Variants in SPRED1 observed in about 807,000 individuals in gnomAD.
The protein encoded by SPRED1 is sprouty related EVH1 domain containing 1.
Under a neutral mutation model 52.3 loss-of-function variants are expected in SPRED1, and 18 were observed. The observed-to-expected ratio is 0.34, with a 90% CI of 0.24 to 0.51. The LOEUF is 0.51. SPRED1 is among the 20% of genes least tolerant of loss of function. The pLI, the probability that SPRED1 is intolerant of heterozygous loss-of-function variation, is 0.97. For missense variants in SPRED1, 485 were observed against 551.0 expected (o/e 0.88, Z 1.20); for synonymous variants, 155 against 179.7 (o/e 0.86, Z 1.10).
chr15:38,296,183 TA>T (rs1217801053), intron 1 of SPRED1, among the ~76,000 whole-genome samples: 4 of 152,104 alleles, frequency 2.6e-5, no homozygotes, highest in Non-Finnish European at 5.9e-5. Flanking sequence ...GGGTGGGGTA[TA>T]TAATAGGCTT....
chr15:38,255,106 A>G (rs1894066343), intron 1 of SPRED1, among the ~76,000 whole-genome samples: 1 of 152,102 alleles, frequency 6.6e-6, no homozygotes, highest in Non-Finnish European at 1.5e-5. Flanking sequence ...CTAAATGGCC[A>G]TTTTTTTAAA....
At chr15:38,267,538 C>T (rs1185149128) in intron 1 of SPRED1, among the ~76,000 whole-genome samples, 1 of 152,028 alleles carries the variant, frequency 6.6e-6, no homozygotes, top group African/African-American at 2.4e-5. Flanking sequence ...TCTTAAATTT[C>T]TTAGATTCCT....
At position 38,299,381 on chromosome 15, in the gene SPRED1, A is replaced by G. The variant is rs1466744800; in HGVS notation, c.41A>G (p.Tyr14Cys). 4 of 1,613,900 alleles carry G rather than the reference A, an allele frequency of 2.5e-6. No homozygotes were observed. Among genetic ancestry groups the G allele is most frequent in the Non-Finnish European group, 3.4e-6 (4 of 1,179,852 alleles). Residue 14 changes from tyrosine (Y) to cysteine (C), a missense_variant, in exon 2 of 7, where the codon TAT (tyrosine) becomes TGT (cysteine). Physicochemically the swap from Tyr to Cys is radical, Grantham distance 194 (BLOSUM62 -2). Coordinates refer to ENST00000299084, the MANE Select transcript of SPRED1 (RefSeq NM_152594.3). Reference protein sequence around the residue: ...ETATSDNDNSYARVRAVVMTR... With the variant: ...ETATSDNDNSCARVRAVVMTR... ...CTTTGCATCTATTTTAGTAATAGTT[A>G]TGCACGAGTGCGAGCTGTGGTGATG...
intron 1 of SPRED1, among the ~76,000 whole-genome samples, chr15:38,283,864 GCTGCCTTACTATAGTGTAA>G (rs1894747919): frequency 6.6e-6 from 1 of 152,134 alleles, no homozygotes; most frequent in Non-Finnish European, 1.5e-5. Context: ...GGTAGATAGA[GCTGCCTTACTATAGTGTAA>G]CTGCCTTACT....
At chr15:38,329,886 T>G (rs1895775783) in intron 4 of SPRED1, among the ~76,000 whole-genome samples, 1 of 152,210 alleles carries the variant, frequency 6.6e-6, no homozygotes, top group Non-Finnish European at 1.5e-5. Flanking sequence ...ATTGTGTCAG[T>G]CTAACTTCAG....
chr15:38,310,943 T>G (rs185310925), intron 2 of SPRED1, among the ~76,000 whole-genome samples: 1 of 152,312 alleles, frequency 6.6e-6, no homozygotes, highest in East Asian at 1.9e-4. Flanking sequence ...TGTCTTTTCT[T>G]TTTCTTCCCT....
At chr15:38,267,213 G>T (rs145774315) in intron 1 of SPRED1, among the ~76,000 whole-genome samples, 1 of 143,500 alleles carries the variant, frequency 7.0e-6, no homozygotes, top group African/African-American at 2.6e-5. Flanking sequence ...AGACTTAGGC[G>T]TATATCTAGT....
chr15:38,329,617 C>A (rs923262264), intron 4 of SPRED1, among the ~76,000 whole-genome samples: 3 of 152,062 alleles, frequency 2.0e-5, no homozygotes, highest in Non-Finnish European at 4.4e-5. Context: ...CAAAAAAATT[C>A]TCTGTATAAC....
intron 1 of SPRED1, among the ~76,000 whole-genome samples, chr15:38,257,415 A>G (rs1020578122): frequency 2.0e-5 from 3 of 152,168 alleles, no homozygotes; most frequent in Admixed American, 6.5e-5. Flanking sequence ...AAAAAGGCCG[A>G]AAAAGAGTAT....
At chr15:38,318,170 A>G (rs1895527933) in intron 2 of SPRED1, among the ~76,000 whole-genome samples, 1 of 152,056 alleles carries the variant, frequency 6.6e-6, no homozygotes, top group African/African-American at 2.4e-5. Flanking sequence ...AGCAGCTACC[A>G]TAGAAGTTTT....
chr15:38,288,570 A>G (rs922569906), intron 1 of SPRED1, among the ~76,000 whole-genome samples: 4 of 152,210 alleles, frequency 2.6e-5, no homozygotes, highest in African/African-American at 4.8e-5. Flanking sequence ...CCGATAGAAT[A>G]TCTCAGGGGA....
intron 1 of SPRED1, among the ~76,000 whole-genome samples, chr15:38,282,340 CACAT>C (rs1451391373): frequency 2.9e-4 from 6 of 20,442 alleles, no homozygotes; most frequent in Non-Finnish European, 7.0e-4. Flanking sequence ...CACACACACA[CACAT>C]GCACACACAC....
intron 2 of SPRED1, 45 bp from the exon 3 acceptor site, chr15:38,322,196 C>T (rs768883825): frequency 6.4e-7 from 1 of 1,564,614 alleles, no homozygotes; most frequent in Non-Finnish European, 8.8e-7. Flanking sequence ...ACATTAGATG[C>T]ATTTGATATA....
Position 38,294,085 on chromosome 15 carries a change from A to G in SPRED1, c.33-5288A>G, listed in dbSNP as rs550414733. Among the ~76,000 whole-genome samples the G allele has an allele frequency of 4.9e-4, 74 of 152,310 alleles. 1 individual carries two copies. The South Asian group carries it at 0.014, about 28-fold the overall frequency. On this transcript the variant is annotated intron_variant, in intron 1 of 6. Coordinates refer to ENST00000299084, the MANE Select transcript of SPRED1 (RefSeq NM_152594.3). ...ATGTGGTTATCTTCTGAATGTCTGC[A>G]TTCTACATAGTTTAGAAAGCACGTA...
In SPRED1 at chr15:38,339,790, A is replaced by T. The variant is rs781477854; in HGVS notation, c.477A>T (p.Gln159His). ...TAGTGAAGGATCACCTTTTTCAGCA[A>T]GAGACAGTTGTTACCAGTGAGCCTT... ...SSLVKDHLFQ[Q>H]ETVVTSEPYR... is the part of the protein sequence containing the mutation. Residue 159 changes from glutamine (Q) to histidine (H), a missense_variant, in exon 5 of 7, where the codon CAA becomes CAT. This residue lies in a region of SPRED1 where 232 missense variants were observed against 231.8 expected (regional missense o/e 1.00). Coordinates refer to ENST00000299084, the MANE Select transcript of SPRED1 (RefSeq NM_152594.3). The T allele has an allele frequency of 1.5e-5, 24 of 1,613,876 alleles. No homozygotes were observed. The South Asian group carries it at 2.1e-4, about 14-fold the overall frequency.
chr15:38,330,502 A>T (rs530887673), intron 4 of SPRED1, among the ~76,000 whole-genome samples: 1 of 152,216 alleles, frequency 6.6e-6, no homozygotes, highest in Admixed American at 6.5e-5. Flanking sequence ...ACACTACACC[A>T]CATGTTAATA....
chr15:38,286,855 T>C (rs1488408298), intron 1 of SPRED1, among the ~76,000 whole-genome samples: 1 of 152,186 alleles, frequency 6.6e-6, no homozygotes, highest in East Asian at 1.9e-4. Context: ...GCAGACTTTG[T>C]AAAAATAATG....
intron 1 of SPRED1, among the ~76,000 whole-genome samples, chr15:38,284,296 T>TCA: frequency 6.6e-6 from 1 of 152,314 alleles, no homozygotes; most frequent in East Asian, 1.9e-4. Flanking sequence ...TAAACAATGT[T>TCA]GATACACAGT....
intron 2 of SPRED1, among the ~76,000 whole-genome samples, chr15:38,307,771 A>G (rs999988093): frequency 1.3e-5 from 2 of 152,082 alleles, no homozygotes; most frequent in Non-Finnish European, 2.9e-5. Context: ...AGTTTTTCTC[A>G]TTAGACTTAC....
Sources: allele counts gnomAD v4.1 joint callset (sites outside exome capture counted in the v4.1 genomes callset), GRCh38; gene constraint gnomAD v4.1.1; regional missense constraint gnomAD v4.1.1; transcripts MANE v1.5; gene names NCBI Gene and HGNC (gene_info 2026-07-23, HGNC 2026-07-21).